MED23: variants seen among roughly 807,000 people sequenced by gnomAD.
The protein encoded by MED23 is mediator of RNA polymerase II transcription subunit 23.
MED23 carries 105 observed loss-of-function variants against 163.9 expected under a neutral mutation model. The observed-to-expected ratio is 0.64, with a 90% confidence interval of 0.55 to 0.75. MED23 has a LOEUF of 0.75. Ranked by LOEUF, MED23 falls within the 30% of genes least tolerant of loss-of-function variation. MED23 has a pLI of 0.00. For synonymous variants in MED23, 561 were observed against 565.6 expected (o/e 0.99, Z 0.12); for missense variants, 1,054 against 1,649.0 (o/e 0.64, Z 6.25).
chr6:131,626,556 G>T (rs1336549643), intron 3 of MED23, among the ~76,000 whole-genome samples: 1 of 152,156 alleles, frequency 6.6e-6, no homozygotes, highest in Non-Finnish European at 1.5e-5. Context: ...GTTTCTATAT[G>T]CATAAAATAC....
intron 11 of MED23, among the ~76,000 whole-genome samples, chr6:131,608,930 G>A (rs1318446659): frequency 1.3e-5 from 2 of 151,698 alleles, no homozygotes; most frequent in Non-Finnish European, 1.5e-5. Flanking sequence ...TGGATTCATC[G>A]TCCTCCCTTC....
intron 30 of MED23, chr6:131,576,714 C>T: frequency 6.2e-7 from 1 of 1,613,930 alleles, no homozygotes; most frequent in Non-Finnish European, 8.5e-7. Context: ...GGCTGGTCTG[C>T]TTGAGAAACT....
rs943400435 is a variant in MED23, at chr6:131,593,984, T to TA, written c.3232+114dup. On this transcript the variant is annotated intron_variant, in intron 23 of 28. Transcript: ENST00000368068. ...ACAGAGATGAAAATGGAAGTGATCT[T>TA]AAAAAAAATTAAAACCTTGAAATAC... 42 of 851,988 alleles carry TA rather than the reference T, an allele frequency of 4.9e-5. 1 individual carries two copies. Among genetic ancestry groups the TA allele is most frequent in the African/African-American group, 4.0e-4 (23 of 58,092 alleles). The allele number at this position is 851,988 out of a possible 1,614,324, so 52.8% of individuals were successfully genotyped here.
At position 131,587,736 on chromosome 6, in the gene MED23, A is replaced by G. The variant is rs1247837670; in HGVS notation, c.4050T>C (p.Ser1350=). Residue 1350 remains serine (S), a synonymous_variant, in exon 29 of 29, where the codon AGT becomes AGC. Transcript: ENST00000368068. The part of the protein sequence containing the change: ...PAAVPPQAMN[S]GSPAPQSNQV... ...GATTAGACTGAGGTGCTGGAGACCC[A>G]CTGTTCATGGCTTGTGGAGGCACTG... 6.2e-7 allele frequency: 1 copy of G among 1,614,102 alleles called. No individual in the cohort carries two copies. Among genetic ancestry groups the G allele is most frequent in the South Asian group, 1.1e-5 (1 of 91,088 alleles).
intron 11 of MED23, 149 bp from the exon 12 acceptor site, chr6:131,608,220 T>C: frequency 1.3e-6 from 1 of 761,884 alleles, no homozygotes; most frequent in South Asian, 1.6e-5. Flanking sequence ...ACTTAGTAAT[T>C]ACTTAGTCTC....
intron 5 of MED23, among the ~76,000 whole-genome samples, chr6:131,622,396 T>C (rs1374436192): frequency 2.0e-5 from 3 of 152,222 alleles, no homozygotes; most frequent in African/African-American, 4.8e-5. Flanking sequence ...GCTGGGATTA[T>C]AGGTGTAAGC....
chr6:131,625,686 T>C (rs1777434003), intron 3 of MED23, among the ~76,000 whole-genome samples: 1 of 152,200 alleles, frequency 6.6e-6, no homozygotes, highest in Non-Finnish European at 1.5e-5. Context: ...ATAAAGTGTT[T>C]AATGAATTTT....
intron 9 of MED23, among the ~76,000 whole-genome samples, chr6:131,617,776 C>T (rs1260397436): frequency 6.6e-6 from 1 of 152,170 alleles, no homozygotes; most frequent in Non-Finnish European, 1.5e-5. Context: ...CAAGACTGCT[C>T]ACTAATGCAA....
downstream of MED23, chr6:131,583,778 C>A (rs1473029048): frequency 1.9e-6 from 3 of 1,614,006 alleles, no homozygotes; most frequent in South Asian, 3.3e-5. Flanking sequence ...GAAGTGAACC[C>A]ATCCCTGGGG....
At chr6:131,583,225 CAA>C (rs961643668), downstream of MED23, 3 of 1,597,154 alleles carry the variant, frequency 1.9e-6, no homozygotes, top group Admixed American at 1.7e-5. Context: ...TACTGACAAC[CAA>C]AGTTATTAAT....
intron 30 of MED23, chr6:131,576,860 C>T (rs955747255): frequency 1.8e-5 from 15 of 811,198 alleles, no homozygotes; most frequent in African/African-American, 5.1e-5. Flanking sequence ...GGTTACAACC[C>T]GAGAAACACA....
chr6:131,612,913 A>T (rs773569173), intron 10 of MED23, among the ~76,000 whole-genome samples: 2 of 152,088 alleles, frequency 1.3e-5, no homozygotes, highest in Non-Finnish European at 2.9e-5. Flanking sequence ...CAGTTCTCAT[A>T]ATGCTTTTGC....
intron 30 of MED23, chr6:131,579,043 G>A: frequency 6.5e-7 from 1 of 1,547,562 alleles, no homozygotes; most frequent in Non-Finnish European, 8.9e-7. Context: ...ATACAATTGA[G>A]ATCATCCTAC....
At chr6:131,589,400 A>G (rs1386648733) in intron 28 of MED23, 65 bp downstream of exon 28, 1 of 1,470,596 alleles carries the variant, frequency 6.8e-7, no homozygotes, top group African/African-American at 1.4e-5. Flanking sequence ...AAAAAAGTCT[A>G]TTACTATATG....
chr6:131,603,333 A>T, intron 15 of MED23, 129 bp from the exon 16 acceptor site: 1 of 855,072 alleles, frequency 1.2e-6, no homozygotes, highest in Non-Finnish European at 1.9e-6. Context: ...ACACATATAT[A>T]TTCTCCATAT....
intron 7 of MED23, 26 bp from the exon 8 acceptor site, chr6:131,619,922 T>A: frequency 1.2e-5 from 18 of 1,476,542 alleles, no homozygotes; most frequent in Non-Finnish European, 1.6e-5. Context: ...AAGAGGGAAG[T>A]CAAATAAATA....
At chr6:131,596,304 T>C in intron 21 of MED23, 141 bp from the exon 22 acceptor site, 1 of 896,990 alleles carries the variant, frequency 1.1e-6, no homozygotes, top group South Asian at 1.5e-5. Context: ...TACTTCTTTT[T>C]ATAGAAGTCC....
intron 5 of MED23, among the ~76,000 whole-genome samples, chr6:131,622,961 G>C (rs913753451): frequency 1.3e-5 from 2 of 152,198 alleles, no homozygotes; most frequent in South Asian, 4.1e-4. Context: ...ATTGAGGTAA[G>C]ACCCACGTTC....
chr6:131,616,266 C>T (rs370520027), intron 9 of MED23, among the ~76,000 whole-genome samples: 11 of 152,208 alleles, frequency 7.2e-5, no homozygotes, highest in African/African-American at 2.6e-4. Context: ...AGCACCAGAC[C>T]TTCCAATCCC....
Sources: allele counts gnomAD v4.1 joint callset (sites outside exome capture counted in the v4.1 genomes callset), GRCh38; gene constraint gnomAD v4.1.1; transcripts MANE v1.5; gene names NCBI Gene and HGNC (gene_info 2026-07-23, HGNC 2026-07-21).